EPB41L3: variants seen among roughly 807,000 people sequenced by gnomAD.
The protein encoded by EPB41L3 is erythrocyte membrane protein band 4.1 like 3.
Under a neutral mutation model 127.1 loss-of-function variants are expected in EPB41L3, and 57 were observed. That is an observed-to-expected ratio of 0.45 (90% CI 0.36 to 0.56). The LOEUF (loss-of-function observed/expected upper bound fraction) is 0.56, where lower values mean the gene tolerates loss of function less well. EPB41L3 is among the 20% of genes least tolerant of loss of function. The probability of loss-of-function intolerance (pLI) is 0.00; values close to 1 mark genes in which losing one functional copy is unlikely to be tolerated. For synonymous variants in EPB41L3, 572 were observed against 549.5 expected, an observed-to-expected ratio of 1.04 and a Z score of -0.57; for missense variants, 1,273 against 1,372.2, an observed-to-expected ratio of 0.93 and a Z score of 1.14.
intron 3 of EPB41L3, among the ~76,000 whole-genome samples, chr18:5,563,724 T>A (rs1006759358): frequency 6.6e-6 from 1 of 152,156 alleles, no homozygotes; most frequent in Admixed American, 6.5e-5. Flanking sequence ...TGCCATTTTT[T>A]GATAAAGGAG....
intron 1 of EPB41L3, among the ~76,000 whole-genome samples, chr18:5,533,168 C>T (rs1169507710): frequency 1.3e-5 from 2 of 152,182 alleles, no homozygotes; most frequent in African/African-American, 2.4e-5. Flanking sequence ...AAGCCAACGT[C>T]TGAAAATGGT....
chr18:5,428,100 T>C (rs2078472165), intron 9 of EPB41L3, among the ~76,000 whole-genome samples: 1 of 152,102 alleles, frequency 6.6e-6, no homozygotes, highest in Non-Finnish European at 1.5e-5. Context: ...ACCCTCCAAT[T>C]AACGTATGCA....
At chr18:5,573,139 T>G (rs2094301098) in intron 3 of EPB41L3, among the ~76,000 whole-genome samples, 1 of 152,154 alleles carries the variant, frequency 6.6e-6, no homozygotes, top group Non-Finnish European at 1.5e-5. Context: ...AGGGTGACAT[T>G]TAAAATCCTG....
intron 3 of EPB41L3, among the ~76,000 whole-genome samples, chr18:5,560,296 G>C (rs1047803139): frequency 6.6e-6 from 1 of 152,098 alleles, no homozygotes; most frequent in African/African-American, 2.4e-5. Context: ...ATGAGTGATG[G>C]GTGAAGAACA....
intron 16 of EPB41L3, among the ~76,000 whole-genome samples, chr18:5,402,783 T>C (rs1435784398): frequency 6.6e-6 from 1 of 152,208 alleles, no homozygotes; most frequent in Non-Finnish European, 1.5e-5. Context: ...CTTAATATCA[T>C]AATTGGAAAA....
intron 1 of EPB41L3, among the ~76,000 whole-genome samples, chr18:5,518,798 A>G (rs1009480462): frequency 6.6e-6 from 1 of 152,172 alleles, no homozygotes; most frequent in African/African-American, 2.4e-5. Flanking sequence ...CAGGGCCCCC[A>G]GACTCTCGCT....
At chr18:5,461,444 G>C (rs539423550) in intron 3 of EPB41L3, among the ~76,000 whole-genome samples, 2 of 152,302 alleles carry the variant, frequency 1.3e-5, no homozygotes, top group Admixed American at 6.5e-5. Flanking sequence ...GTGCTTATTA[G>C]AAAAGGACTC....
At chr18:5,546,821 C>T (rs1286554938), upstream of EPB41L3, among the ~76,000 whole-genome samples, 1 of 152,184 alleles carries the variant, frequency 6.6e-6, no homozygotes, top group Non-Finnish European at 1.5e-5. Context: ...TCTTGTGAAT[C>T]CCATGCAGGA....
At chr18:5,593,891 G>A (rs367804384) in intron 3 of EPB41L3, among the ~76,000 whole-genome samples, 17 of 152,182 alleles carry the variant, frequency 1.1e-4, no homozygotes, top group African/African-American at 2.4e-4. Flanking sequence ...CCGGCTCACC[G>A]GCGGTCAGAG....
intron 3 of EPB41L3, among the ~76,000 whole-genome samples, chr18:5,588,940 C>A (rs991571924): frequency 7.6e-6 from 1 of 132,418 alleles, no homozygotes; most frequent in Non-Finnish European, 1.7e-5. Context: ...GGATTTATGA[C>A]TTCTCAGTTC....
intron 16 of EPB41L3, among the ~76,000 whole-genome samples, chr18:5,401,746 T>C (rs922734437): frequency 6.6e-6 from 1 of 152,176 alleles, no homozygotes; most frequent in Non-Finnish European, 1.5e-5. Context: ...TATTTCATGT[T>C]AGGAATTAGG....
In EPB41L3 at chr18:5,393,420, T is replaced by C. The variant is rs1354316325; in HGVS notation, c.*65A>G. 6 of 697,340 alleles carry C rather than the reference T, an allele frequency of 8.6e-6. No individual in the cohort carries two copies. Among genetic ancestry groups the C allele is most frequent in the Non-Finnish European group, 1.3e-5 (5 of 383,104 alleles). 43.2% of individuals were successfully genotyped at this position (697,340 alleles called of 1,614,324 possible). On this transcript the variant is annotated 3_prime_UTR_variant, in exon 23 of 23. Coordinates refer to ENST00000341928, the MANE Select transcript of EPB41L3 (RefSeq NM_012307.5). ...TTGGGTTAGAAGAGGGAACTCCATA[T>C]AGGCTCTGGTTTTCCTAACGGTTTG...
At chr18:5,579,703 T>G (rs1235374499) in intron 3 of EPB41L3, among the ~76,000 whole-genome samples, 1 of 152,208 alleles carries the variant, frequency 6.6e-6, no homozygotes, top group African/African-American at 2.4e-5. Flanking sequence ...ATAAACTTAT[T>G]TTTTCCAGGA....
intron 3 of EPB41L3, among the ~76,000 whole-genome samples, chr18:5,453,925 G>A (rs1443533816): frequency 1.3e-5 from 2 of 151,990 alleles, no homozygotes; most frequent in Non-Finnish European, 2.9e-5. Flanking sequence ...TGCCCTAATT[G>A]CATTTTTCCT....
chr18:5,523,402 A>T (rs966650640), intron 1 of EPB41L3, among the ~76,000 whole-genome samples: 1 of 152,254 alleles, frequency 6.6e-6, no homozygotes, highest in Non-Finnish European at 1.5e-5. Context: ...TAGAAACATT[A>T]ATACTATAAA....
intron 12 of EPB41L3, 56 bp from the exon 13 acceptor site, chr18:5,416,434 C>A: frequency 6.7e-7 from 1 of 1,503,444 alleles, no homozygotes. Flanking sequence ...TGCAAAAGGA[C>A]AAAAAGAAAA....
chr18:5,407,070 C>CA, intron 15 of EPB41L3, 102 bp from the exon 16 acceptor site: 1 of 1,032,778 alleles, frequency 9.7e-7, no homozygotes, highest in Non-Finnish European at 1.4e-6. Context: ...TATTAGTAGT[C>CA]AAAATAAAAC....
upstream of EPB41L3, among the ~76,000 whole-genome samples, chr18:5,630,041 G>T (rs973732411): frequency 3.9e-5 from 6 of 152,186 alleles, no homozygotes. Flanking sequence ...CACTAGCTCT[G>T]GGGTTCGCAG....
upstream of EPB41L3, chr18:5,544,305 G>T (rs956282768): frequency 3.0e-6 from 3 of 985,308 alleles, no homozygotes. Context: ...TGATGGCCTG[G>T]CCTCTCCAGA....
Sources: gnomAD v4.1 joint callset for allele counts (sites outside exome capture counted in the v4.1 genomes callset) on GRCh38, gnomAD v4.1.1 for gene constraint, MANE v1.5 for transcripts, NCBI Gene and HGNC (gene_info 2026-07-23, HGNC 2026-07-21) for gene names.